Variants in ANKRD27 observed in about 807,000 individuals in gnomAD.
The protein encoded by ANKRD27 is ankyrin repeat domain-containing protein 27.
ANKRD27 carries 112 observed loss-of-function variants against 129.7 expected under a neutral mutation model. The observed-to-expected ratio is 0.86, with a 90% confidence interval of 0.74 to 1.01. The LOEUF (loss-of-function observed/expected upper bound fraction) is 1.01. ANKRD27 is among the 50% of genes least tolerant of loss of function. The pLI, the probability that ANKRD27 is intolerant of heterozygous loss-of-function variation, is 0.00. For synonymous variants in ANKRD27, 516 were observed against 511.2 expected (o/e 1.01, Z -0.13); for missense variants, 1,258 against 1,300.5 (o/e 0.97, Z 0.50).
chr19:32,615,794 G>A lies in ANKRD27; in HGVS notation c.2053-14C>T. ...CAGGTAACGCACCTGGTGATGGAGA[G>A]TAACGGAAACAGGAACACATCCTCA... On this transcript the variant is annotated splice_polypyrimidine_tract_variant and intron_variant, in intron 21 of 28. Transcript: ENST00000306065. The A allele has an allele frequency of 6.2e-7, 1 of 1,608,858 alleles. No individual in the cohort carries two copies. Among genetic ancestry groups the A allele is most frequent in the Non-Finnish European group, 8.5e-7 (1 of 1,176,644 alleles).
At chr19:32,641,275 G>T (rs935239652) in intron 10 of ANKRD27, among the ~76,000 whole-genome samples, 4 of 151,630 alleles carry the variant, frequency 2.6e-5, no homozygotes, top group Admixed American at 6.6e-5. Context: ...CTTGGACGCT[G>T]AAAGAGCCCA....
In ANKRD27 at chr19:32,601,345, T is replaced by C. The variant is rs541652547; in HGVS notation, c.2767+670A>G. Among the ~76,000 whole-genome samples, 10 of 143,518 alleles carry C rather than the reference T, an allele frequency of 7.0e-5. No individual in the cohort carries two copies. The South Asian group carries it at 1.1e-3, about 16-fold the overall frequency. The allele number at this position is 143,518 out of a possible 152,430, so 94.2% of individuals were successfully genotyped here. A position where few individuals can be genotyped will look rare whatever the true frequency, so the allele number is the denominator to read the frequency against. On this transcript the variant is annotated intron_variant, in intron 26 of 28. Transcript: ENST00000306065. ...ATCTTGGTGGCTCACACCTGTAATCTCAGCACTTTGGGAGGCCAAGGCGGG... is the reference window on the plus strand; with the variant it reads ...ATCTTGGTGGCTCACACCTGTAATCCCAGCACTTTGGGAGGCCAAGGCGGG...
chr19:32,625,898 C>T lies in ANKRD27; in HGVS notation c.1605G>A (p.Leu535=), dbSNP rs1209762091. The T allele has an allele frequency of 6.2e-7, 1 of 1,610,016 alleles. No individual in the cohort carries two copies. Among genetic ancestry groups the T allele is most frequent in the Admixed American group, 1.7e-5 (1 of 59,084 alleles). ...QDNNGNTPLH[L]ACTYGHEDCV... ...CGTCCTCGTGGCCGTAGGTGCAGGC[C>T]AGGTGGAGTGGCGTATTCCCATTGT... The change falls in exon 17 of 29, where the codon CTG becomes CTA. Residue 535 remains leucine, a synonymous_variant. Coordinates refer to ENST00000306065, the MANE Select transcript of ANKRD27 (RefSeq NM_032139.3).
chr19:32,625,188 G>A (rs1033030148), intron 17 of ANKRD27, among the ~76,000 whole-genome samples: 2 of 152,076 alleles, frequency 1.3e-5, no homozygotes, highest in African/African-American at 4.8e-5. Flanking sequence ...CCTGGAAGGA[G>A]GAGGTTGCAG....
intron 22 of ANKRD27, among the ~76,000 whole-genome samples, chr19:32,611,282 C>T (rs1236349877): frequency 6.6e-6 from 1 of 152,132 alleles, no homozygotes; most frequent in Non-Finnish European, 1.5e-5. Flanking sequence ...GGCCCGAGGG[C>T]TTCATCACTT....
At chr19:32,644,999 C>G (rs1198333955) in intron 4 of ANKRD27, among the ~76,000 whole-genome samples, 1 of 152,168 alleles carries the variant, frequency 6.6e-6, no homozygotes, top group Non-Finnish European at 1.5e-5. Flanking sequence ...GCAACAGCAG[C>G]CCCGATCCAC....
chr19:32,648,310 A>T (rs1158710293), intron 3 of ANKRD27, among the ~76,000 whole-genome samples: 1 of 152,046 alleles, frequency 6.6e-6, no homozygotes, highest in Admixed American at 6.6e-5. Flanking sequence ...GCTAAGAAGA[A>T]GTTTTTTTTG....
chr19:32,674,622 C>G (rs1967944467), intron 1 of ANKRD27, among the ~76,000 whole-genome samples: 1 of 152,156 alleles, frequency 6.6e-6, no homozygotes. Flanking sequence ...GCTCCGCGCC[C>G]TCATCACCCC....
intron 2 of ANKRD27, among the ~76,000 whole-genome samples, chr19:32,652,028 A>C (rs1165222552): frequency 6.6e-6 from 1 of 152,158 alleles, no homozygotes; most frequent in Non-Finnish European, 1.5e-5. Context: ...CCATCCCCAC[A>C]GCAATCCTGC....
intron 1 of ANKRD27, among the ~76,000 whole-genome samples, chr19:32,664,939 A>AC (rs1967721749): frequency 7.7e-6 from 1 of 130,612 alleles, no homozygotes; most frequent in Non-Finnish European, 1.6e-5. Context: ...AAAAAAAAAA[A>AC]CTGTTATTAA....
Position 32,600,113 on chromosome 19 carries a change from T to C in ANKRD27, c.2768-63A>G. On this transcript the variant is annotated intron_variant, in intron 26 of 28. Coordinates refer to ENST00000306065, the MANE Select transcript of ANKRD27 (RefSeq NM_032139.3). ...ACAGTTGTAAAGATTATTTTAAAAT[T>C]ACAGCACAGACACAATCTTTCTATT... 4 of 1,190,816 alleles carry C rather than the reference T, an allele frequency of 3.4e-6. No individual in the cohort carries two copies. The South Asian group carries it at 5.1e-5, about 15-fold the overall frequency. The allele number at this position is 1,190,816 out of a possible 1,614,324, so 73.8% of individuals were successfully genotyped here.
At chr19:32,653,241 G>A (rs977647646) in intron 2 of ANKRD27, among the ~76,000 whole-genome samples, 4 of 152,112 alleles carry the variant, frequency 2.6e-5, no homozygotes, top group Non-Finnish European at 5.9e-5. Context: ...GGGTCTCAGC[G>A]CCCTTAGCTC....
intron 20 of ANKRD27, among the ~76,000 whole-genome samples, chr19:32,618,247 G>A (rs1467450536): frequency 6.6e-6 from 1 of 151,132 alleles, no homozygotes; most frequent in Non-Finnish European, 1.5e-5. Flanking sequence ...GGAAAGGTGA[G>A]GCCATGGTCG....
At chr19:32,660,540 C>T (rs1318879869) in intron 1 of ANKRD27, among the ~76,000 whole-genome samples, 1 of 152,032 alleles carries the variant, frequency 6.6e-6, no homozygotes, top group South Asian at 2.1e-4. Context: ...AAGAAAGAGG[C>T]CTGGGAGAGC....
At position 32,649,786 on chromosome 19, in the gene ANKRD27, C is replaced by T. The variant is rs1409436887; in HGVS notation, c.109G>A (p.Val37Ile). Reference sequence around the variant, plus strand: ...CTCGACAGGCTTCCTTTGCAGGGTACTAAGACCTGGAAAAAACAATTCGGG... The same window carrying T: ...CTCGACAGGCTTCCTTTGCAGGGTATTAAGACCTGGAAAAAACAATTCGGG... ...KVAQIHGIVLVPCKGSLSSSI... is the reference protein window; with the variant it reads ...KVAQIHGIVLIPCKGSLSSSI... The change falls in exon 3 of 29, where the codon GTA becomes ATA. Residue 37 changes from valine to isoleucine, a missense_variant. Transcript: ENST00000306065. 1.2e-6 allele frequency: 2 copies of T among 1,611,806 alleles called. No individual in the cohort carries two copies. Among genetic ancestry groups the T allele is most frequent in the South Asian group, 1.1e-5 (1 of 91,020 alleles).
At chr19:32,637,673 G>A (rs1967117754) in intron 12 of ANKRD27, 1 of 152,340 alleles carries the variant, frequency 6.6e-6, no homozygotes, top group African/African-American at 2.4e-5. Flanking sequence ...TGCACTCCCA[G>A]GCGCAGCTGC....
rs1450616032 is a variant in ANKRD27, at chr19:32,597,010, G to C, written c.*1135C>G. ...AAAAAAAATACCATGACACAGTCAA[G>C]AATCATAAAGTTTACTGTTTCTTTT... On this transcript the variant is annotated 3_prime_UTR_variant, in exon 29 of 29. Coordinates refer to ENST00000306065, the MANE Select transcript of ANKRD27 (RefSeq NM_032139.3). The C allele has an allele frequency of 2.0e-5, 3 of 152,532 alleles. No individual in the cohort carries two copies. The highest frequency in any genetic ancestry group is 6.6e-5 in the Admixed American group (1 of 15,256). The allele number at this position is 152,532 out of a possible 1,614,324, so 9.4% of individuals were successfully genotyped here. A position where few individuals can be genotyped will look rare whatever the true frequency, so the allele number is the denominator to read the frequency against.
intron 2 of ANKRD27, among the ~76,000 whole-genome samples, chr19:32,652,808 G>A (rs937508478): frequency 6.6e-6 from 1 of 151,950 alleles, no homozygotes; most frequent in African/African-American, 2.4e-5. Flanking sequence ...CACGCCTGTA[G>A]TCCCAGCTAC....
intron 1 of ANKRD27, among the ~76,000 whole-genome samples, chr19:32,661,405 A>G (rs1390972696): frequency 6.6e-6 from 1 of 152,046 alleles, no homozygotes; most frequent in African/African-American, 2.4e-5. Flanking sequence ...ATCGTAGCTC[A>G]CCGTAACCTT....
Sources: allele counts gnomAD v4.1 joint callset (sites outside exome capture counted in the v4.1 genomes callset), GRCh38; gene constraint gnomAD v4.1.1; transcripts MANE v1.5; gene names NCBI Gene and HGNC (gene_info 2026-07-23, HGNC 2026-07-21).